The following ZNF804B variants were observed in gnomAD, a reference collection of about 807,000 sequenced individuals.
ZNF804B encodes the protein zinc finger protein 804B, also known as zinc finger 804B.
A neutral mutation model predicts 101.4 loss-of-function variants in ZNF804B; 80 were observed. That is an observed-to-expected ratio of 0.79 (90% CI 0.66 to 0.95). The LOEUF (loss-of-function observed/expected upper bound fraction) is 0.95, where lower values mean the gene tolerates loss of function less well. ZNF804B is among the 40% of genes least tolerant of loss of function. The pLI, the probability that ZNF804B is intolerant of heterozygous loss-of-function variation, is 0.00. For synonymous variants in ZNF804B, 622 were observed against 558.8 expected, an observed-to-expected ratio of 1.11 and a Z score of -1.59; for missense variants, 1,673 against 1,561.9, an observed-to-expected ratio of 1.07 and a Z score of -1.20.
At chr7:89,021,558 C>T (rs889683506) in intron 1 of ZNF804B, among the ~76,000 whole-genome samples, 5 of 152,136 alleles carry the variant, frequency 3.3e-5, no homozygotes, top group Admixed American at 6.5e-5. Context: ...ACACTCTGGG[C>T]ACAGGTACAT....
chr7:88,984,695 G>C (rs1793735897), intron 1 of ZNF804B, among the ~76,000 whole-genome samples: 1 of 151,904 alleles, frequency 6.6e-6, no homozygotes, highest in South Asian at 2.1e-4. Flanking sequence ...ATTGACTCAG[G>C]CCAAATACAT....
intron 1 of ZNF804B, among the ~76,000 whole-genome samples, chr7:89,115,557 A>G (rs951530599): frequency 2.0e-5 from 3 of 152,160 alleles, no homozygotes; most frequent in Non-Finnish European, 2.9e-5. Flanking sequence ...AGGCACATAC[A>G]TTTAGGAAAG....
In ZNF804B at chr7:88,901,754, C is replaced by T. The variant is rs143060709; in HGVS notation, c.108+141670C>T. ...AGGGGTCTTGAATAAATTGGCCTCA[C>T]GATACATAGTTAAGCTGAAAAGATT... On this transcript the variant is annotated intron_variant, in intron 1 of 3. Coordinates refer to ENST00000333190, the MANE Select transcript of ZNF804B (RefSeq NM_181646.5). Among the ~76,000 whole-genome samples, 330 of 151,806 alleles carry T rather than the reference C, an allele frequency of 2.2e-3. 2 individuals carry two copies. The highest frequency in any genetic ancestry group is 7.6e-3 in the African/African-American group (317 of 41,480).
chr7:89,106,089 C>A (rs1790131936), intron 1 of ZNF804B, among the ~76,000 whole-genome samples: 1 of 151,818 alleles, frequency 6.6e-6, no homozygotes, highest in Non-Finnish European at 1.5e-5. Context: ...AAAGCACTTA[C>A]AAATAAAATA....
At position 89,332,329 on chromosome 7, in the gene ZNF804B, C is replaced by A. The variant is rs574576145; in HGVS notation, c.381-1034C>A. Among the ~76,000 whole-genome samples the A allele has an allele frequency of 9.6e-4, 146 of 151,766 alleles. 1 individual carries two copies. In the Middle Eastern group the frequency reaches 0.02, roughly 21 times the overall value. On this transcript the variant is annotated intron_variant, in intron 3 of 3. Coordinates refer to ENST00000333190, the MANE Select transcript of ZNF804B (RefSeq NM_181646.5). ...GCACTACTCTACATTAGAACTTGAG[C>A]AACATATGGAAGAGATACCAGTTGG...
chr7:88,970,920 TAACA>T (rs926642590), intron 1 of ZNF804B, among the ~76,000 whole-genome samples: 1 of 151,110 alleles, frequency 6.6e-6, no homozygotes, highest in Non-Finnish European at 1.5e-5. Context: ...TATACATATG[TAACA>T]AACCTGCATG....
At chr7:89,237,519 A>G (rs1274081217) in intron 2 of ZNF804B, among the ~76,000 whole-genome samples, 5 of 152,218 alleles carry the variant, frequency 3.3e-5, no homozygotes, top group Non-Finnish European at 5.9e-5. Context: ...GTTCCTAAAC[A>G]AATATAACTT....
intron 1 of ZNF804B, among the ~76,000 whole-genome samples, chr7:89,144,606 G>A (rs1258350208): frequency 6.6e-6 from 1 of 151,902 alleles, no homozygotes; most frequent in Non-Finnish European, 1.5e-5. Flanking sequence ...AGTTAGACAG[G>A]AGAAATAAGA....
intron 1 of ZNF804B, among the ~76,000 whole-genome samples, chr7:88,812,754 C>T (rs1339391921): frequency 1.3e-5 from 2 of 152,008 alleles, no homozygotes; most frequent in African/African-American, 2.4e-5. Flanking sequence ...CACTACAACA[C>T]GAATGAACCT....
At chr7:89,171,288 G>GCTTCTTCTCCTTCTT (rs1791223026) in intron 1 of ZNF804B, among the ~76,000 whole-genome samples, 10 of 82,484 alleles carry the variant, frequency 1.2e-4, no homozygotes, top group Non-Finnish European at 2.6e-4. Flanking sequence ...TGCTGCTGCT[G>GCTTCTTCTCCTTCTT]CTTCTTCTTC....
At chr7:88,882,851 C>T (rs1792064457) in intron 1 of ZNF804B, among the ~76,000 whole-genome samples, 1 of 151,884 alleles carries the variant, frequency 6.6e-6, no homozygotes, top group African/African-American at 2.4e-5. Context: ...ACTGGGGGGA[C>T]TATTACAGCG....
chr7:89,219,964 CAT>C lies in ZNF804B; in HGVS notation c.249+1676_249+1677del, dbSNP rs773737470. ...ATATATGTATATACATATATGTGTGCATATATATGTATATACATATGTGTGCA... is the reference window on the plus strand; with the variant it reads ...ATATATGTATATACATATATGTGTGCATATATGTATATACATATGTGTGCA... On this transcript the variant is annotated intron_variant, in intron 2 of 3. Transcript: ENST00000333190. 2.8e-3 allele frequency among the ~76,000 whole-genome samples: 242 copies of C among 85,214 alleles called. 13 individuals are homozygous for C. The highest frequency in any genetic ancestry group is 0.01 in the African/African-American group (190 of 18,918). The allele number at this position is 85,214 out of a possible 152,430, so 55.9% of individuals were successfully genotyped here. A position where few individuals can be genotyped will look rare whatever the true frequency, so the allele number is the denominator to read the frequency against.
chr7:88,843,880 G>GTTC (rs1324429249), intron 1 of ZNF804B, among the ~76,000 whole-genome samples: 1 of 151,906 alleles, frequency 6.6e-6, no homozygotes, highest in Non-Finnish European at 1.5e-5. Context: ...TATTGATGCC[G>GTTC]TTCATCGATC....
chr7:89,113,563 T>G (rs374375399), intron 1 of ZNF804B, among the ~76,000 whole-genome samples: 4 of 152,170 alleles, frequency 2.6e-5, no homozygotes, highest in African/African-American at 9.7e-5. Context: ...ACGCTCATTT[T>G]CATCATTACC....
intron 1 of ZNF804B, among the ~76,000 whole-genome samples, chr7:88,994,442 ACAAT>A (rs1793891426): frequency 6.6e-6 from 1 of 152,090 alleles, no homozygotes. Context: ...ATTTCATGAC[ACAAT>A]CAATTTGATT....
At chr7:88,910,960 C>T (rs951912228) in intron 1 of ZNF804B, among the ~76,000 whole-genome samples, 2 of 151,852 alleles carry the variant, frequency 1.3e-5, no homozygotes, top group African/African-American at 4.8e-5. Context: ...ATTGAAGTAA[C>T]TTTAGAATAG....
chr7:89,212,377 C>A (rs991474376), intron 1 of ZNF804B, among the ~76,000 whole-genome samples: 3 of 151,892 alleles, frequency 2.0e-5, no homozygotes, highest in Admixed American at 6.6e-5. Flanking sequence ...CTGTGACTTC[C>A]TGTAACAAAA....
At chr7:88,890,159 A>T (rs987405722) in intron 1 of ZNF804B, among the ~76,000 whole-genome samples, 1 of 152,194 alleles carries the variant, frequency 6.6e-6, no homozygotes, top group Non-Finnish European at 1.5e-5. Context: ...TATAGAACAC[A>T]TCATAATAAC....
chr7:89,156,018 T>TA (rs1790959268), intron 1 of ZNF804B, among the ~76,000 whole-genome samples: 1 of 113,588 alleles, frequency 8.8e-6, no homozygotes, highest in Non-Finnish European at 1.9e-5. Flanking sequence ...TTTCTCTCTT[T>TA]CCTTTCTTTC....
Sources: allele counts gnomAD v4.1 joint callset (sites outside exome capture counted in the v4.1 genomes callset), GRCh38; gene constraint gnomAD v4.1.1; transcripts MANE v1.5; gene names NCBI Gene and HGNC (gene_info 2026-07-23, HGNC 2026-07-21).